The following HTRA3 variants were observed in gnomAD, a reference collection of about 807,000 sequenced individuals.
HTRA3 encodes the protein serine protease HTRA3.
In HTRA3, 41 loss-of-function variants were observed where a neutral mutation model predicts 43.2. The observed-to-expected ratio is 0.95, with a 90% CI of 0.74 to 1.23. The LOEUF (loss-of-function observed/expected upper bound fraction) is 1.23, where lower values mean the gene tolerates loss of function less well. HTRA3 is among the 50% of genes most tolerant of loss of function. The pLI is 0.00. For synonymous variants in HTRA3, 295 were observed against 287.9 expected (o/e 1.02, Z -0.25); for missense variants, 628 against 647.1 (o/e 0.97, Z 0.32).
At chr4:8,287,490 A>G (rs1713037583) in intron 3 of HTRA3, among the ~76,000 whole-genome samples, 2 of 152,168 alleles carry the variant, frequency 1.3e-5, no homozygotes, top group Admixed American at 1.3e-4. Flanking sequence ...GCCTCAGGAG[A>G]CATACAATCA....
chr4:8,293,396 C>T (rs1411483197), intron 5 of HTRA3, among the ~76,000 whole-genome samples: 1 of 152,164 alleles, frequency 6.6e-6, no homozygotes, highest in Non-Finnish European at 1.5e-5. Flanking sequence ...TCCTGAGCTT[C>T]CAGGGACCAG....
chr4:8,282,200 A>T (rs2153004710), intron 1 of HTRA3, among the ~76,000 whole-genome samples: 1 of 152,126 alleles, frequency 6.6e-6, no homozygotes, highest in Non-Finnish European at 1.5e-5. Flanking sequence ...GAAGCCCAGC[A>T]CGTGGAAGCC....
chr4:8,281,702 G>A (rs1315498718), intron 1 of HTRA3, among the ~76,000 whole-genome samples: 8 of 152,250 alleles, frequency 5.3e-5, no homozygotes, highest in South Asian at 4.1e-4. Flanking sequence ...TGTGGGCCCC[G>A]TGCCACTGCA....
chr4:8,298,601 A>G (rs1217924663), intron 6 of HTRA3, among the ~76,000 whole-genome samples: 4 of 152,092 alleles, frequency 2.6e-5, no homozygotes, highest in African/African-American at 9.7e-5. Flanking sequence ...TTTTTCTCCT[A>G]CAATTTCTTC....
At chr4:8,288,024 G>C (rs1713065222) in intron 3 of HTRA3, among the ~76,000 whole-genome samples, 1 of 152,216 alleles carries the variant, frequency 6.6e-6, no homozygotes, top group South Asian at 2.1e-4. Context: ...CACCTTGGCT[G>C]GTTTGAATTT....
At chr4:8,287,344 G>A (rs1578797428) in intron 3 of HTRA3, among the ~76,000 whole-genome samples, 1 of 152,176 alleles carries the variant, frequency 6.6e-6, no homozygotes, top group South Asian at 2.1e-4. Flanking sequence ...TCTCACCACA[G>A]GCCTGGGAGG....
At chr4:8,288,699 A>G (rs1713096418) in intron 3 of HTRA3, among the ~76,000 whole-genome samples, 2 of 150,240 alleles carry the variant, frequency 1.3e-5, no homozygotes, top group Admixed American at 6.6e-5. Flanking sequence ...CAGTCTCCCA[A>G]GTAGCTGTGA....
At chr4:8,276,907 TA>T (rs1314688998) in intron 1 of HTRA3, among the ~76,000 whole-genome samples, 1 of 152,236 alleles carries the variant, frequency 6.6e-6, no homozygotes, top group Non-Finnish European at 1.5e-5. Context: ...TCCTTGCCTG[TA>T]AAATGGACTC....
chr4:8,277,686 C>T (rs1712582731), intron 1 of HTRA3, among the ~76,000 whole-genome samples: 1 of 152,214 alleles, frequency 6.6e-6, no homozygotes, highest in Admixed American at 6.5e-5. Flanking sequence ...GGGAGAGTGG[C>T]AGCACGTGAG....
chr4:8,302,963 T>C (rs1278264671), intron 7 of HTRA3, among the ~76,000 whole-genome samples: 1 of 152,240 alleles, frequency 6.6e-6, no homozygotes, highest in Non-Finnish European at 1.5e-5. Flanking sequence ...TCACTTGACC[T>C]TCTTTCTCTC....
At position 8,296,777 on chromosome 4, in the gene HTRA3, C is replaced by A. The variant is rs796806305; in HGVS notation, c.1051+2576C>A. On this transcript the variant is annotated intron_variant, in intron 6 of 8. Transcript: ENST00000307358. The surrounding 1 kb of genome is among the most constrained non-coding windows in gnomAD (Gnocchi z 5.3). The stretch of plus-strand genomic sequence containing the variant: ...AACAGTGCAGTTCATAGGTGGGAGA[C>A]CTCTGGCCTGGGGGGTAAACCCCTC... Among the ~76,000 whole-genome samples the A allele has an allele frequency of 2.6e-4, 40 of 152,264 alleles. No individual in the cohort carries two copies. The highest frequency in any genetic ancestry group is 8.2e-4 in the African/African-American group (34 of 41,576).
intron 1 of HTRA3, among the ~76,000 whole-genome samples, chr4:8,281,541 C>G (rs1262745480): frequency 6.6e-6 from 1 of 152,230 alleles, no homozygotes; most frequent in Admixed American, 6.5e-5. Context: ...AGAAAGCAGC[C>G]AGGCCCAGCC....
intron 1 of HTRA3, among the ~76,000 whole-genome samples, chr4:8,271,889 G>A (rs1285358175): frequency 6.6e-6 from 1 of 152,216 alleles, no homozygotes; most frequent in African/African-American, 2.4e-5. Context: ...AACCATCATG[G>A]GGGTGAGGGT....
chr4:8,299,841 CTT>C (rs34414197), intron 6 of HTRA3, among the ~76,000 whole-genome samples: 12 of 140,690 alleles, frequency 8.5e-5, no homozygotes, highest in African/African-American at 1.9e-4. Context: ...ATGTATTATC[CTT>C]TTTTTTTTTT....
chr4:8,301,404 T>C (rs1263488166), intron 6 of HTRA3, among the ~76,000 whole-genome samples: 1 of 152,054 alleles, frequency 6.6e-6, no homozygotes, highest in Non-Finnish European at 1.5e-5. Flanking sequence ...TTATTATTGA[T>C]TCACACTATC....
intron 3 of HTRA3, among the ~76,000 whole-genome samples, chr4:8,288,463 C>T (rs984788265): frequency 5.3e-5 from 8 of 151,898 alleles, no homozygotes; most frequent in East Asian, 1.9e-4. Flanking sequence ...TTAGTAGAGA[C>T]GGGGTTTCTC....
intron 1 of HTRA3, among the ~76,000 whole-genome samples, chr4:8,280,593 G>A (rs917826295): frequency 3.3e-5 from 5 of 152,182 alleles, no homozygotes; most frequent in Admixed American, 1.3e-4. Context: ...GCAGGGCAGC[G>A]CATCCCTCAT....
At chr4:8,290,601 C>T (rs1041657679) in intron 3 of HTRA3, among the ~76,000 whole-genome samples, 2 of 152,206 alleles carry the variant, frequency 1.3e-5, no homozygotes, top group Non-Finnish European at 2.9e-5. Context: ...AGCACAGAAC[C>T]GCCTTCCCCA....
At chr4:8,302,569 C>A (rs1713694242) in intron 7 of HTRA3, 58 bp downstream of exon 7, 3 of 1,548,806 alleles carry the variant, frequency 1.9e-6, no homozygotes, top group Admixed American at 3.3e-5. Context: ...CTCACCCTGA[C>A]CCTCCCTCCA....
Sources: gnomAD v4.1 joint callset for allele counts (sites outside exome capture counted in the v4.1 genomes callset) on GRCh38, gnomAD v4.1.1 for gene constraint, Gnocchi (gnomAD v3.1) non-coding constraint, MANE v1.5 for transcripts, NCBI Gene and HGNC (gene_info 2026-07-23, HGNC 2026-07-21) for gene names.